Variants in THSD7A observed in about 807,000 individuals in gnomAD.
THSD7A encodes thrombospondin type-1 domain-containing protein 7A.
In THSD7A, 96 loss-of-function variants were observed where a neutral mutation model predicts 231.3. The observed-to-expected ratio is 0.41, with a 90% CI of 0.35 to 0.49. The LOEUF (loss-of-function observed/expected upper bound fraction) is 0.49. Ranked by LOEUF, THSD7A falls within the 20% of genes least tolerant of loss-of-function variation. THSD7A has a pLI of 0.05. For synonymous variants in THSD7A, 940 were observed against 743.3 expected, an observed-to-expected ratio of 1.26 and a Z score of -4.30; for missense variants, 2,290 against 2,070.2, an observed-to-expected ratio of 1.11 and a Z score of -2.06.
chr7:11,688,603 G>C (rs367640299), intron 1 of THSD7A, among the ~76,000 whole-genome samples: 99 of 151,898 alleles, frequency 6.5e-4, no homozygotes, highest in African/African-American at 1.9e-3. Flanking sequence ...GAAATGAACA[G>C]CCAGCAGCTT....
chr7:11,653,691 A>T (rs1314337674), intron 1 of THSD7A, among the ~76,000 whole-genome samples: 1 of 151,852 alleles, frequency 6.6e-6, no homozygotes, highest in African/African-American at 2.4e-5. Flanking sequence ...GCCAGCCAGC[A>T]ATCAGTTTTG....
chr7:11,715,898 C>T (rs1781119168), intron 1 of THSD7A, among the ~76,000 whole-genome samples: 1 of 151,502 alleles, frequency 6.6e-6, no homozygotes, highest in Admixed American at 6.6e-5. Context: ...TCTCTTTGTT[C>T]TGCAACCATA....
intron 1 of THSD7A, among the ~76,000 whole-genome samples, chr7:11,778,807 G>A (rs1314890860): frequency 6.6e-6 from 1 of 152,034 alleles, no homozygotes; most frequent in East Asian, 1.9e-4. Context: ...AATATATTCT[G>A]AGAAATATAC....
At chr7:11,585,424 G>A (rs112010305) in intron 4 of THSD7A, among the ~76,000 whole-genome samples, 3 of 152,134 alleles carry the variant, frequency 2.0e-5, no homozygotes, top group African/African-American at 4.8e-5. Context: ...CTCATTTAAC[G>A]TCACCAATAG....
chr7:11,771,400 C>T (rs1783223926), intron 1 of THSD7A, among the ~76,000 whole-genome samples: 1 of 151,832 alleles, frequency 6.6e-6, no homozygotes, highest in South Asian at 2.1e-4. Flanking sequence ...GACATGTGAA[C>T]ACTAGGTATA....
intron 11 of THSD7A, among the ~76,000 whole-genome samples, chr7:11,456,169 T>G (rs1274415074): frequency 6.6e-6 from 1 of 152,056 alleles, no homozygotes; most frequent in Admixed American, 6.6e-5. Flanking sequence ...ACATTCTCTC[T>G]TTTCTATGTG....
chr7:11,538,639 G>A (rs759192547), intron 6 of THSD7A, among the ~76,000 whole-genome samples: 11 of 152,136 alleles, frequency 7.2e-5, no homozygotes, highest in Non-Finnish European at 1.3e-4. Flanking sequence ...TTGTGTATCC[G>A]ATGATCATGA....
At position 11,769,140 on chromosome 7, in the gene THSD7A, T is replaced by TAC. The variant is rs1361314082; in HGVS notation, c.190+62616_190+62617insGT. 8.0e-5 allele frequency among the ~76,000 whole-genome samples: 5 copies of TAC among 62,396 alleles called. 2 individuals carry two copies. The highest frequency in any genetic ancestry group is 2.6e-4 in the African/African-American group (5 of 18,950). 40.9% of individuals were successfully genotyped at this position (62,396 alleles called of 152,430 possible). ...TCCTGGCAATATATATATATATATA[T>TAC]ATATATATATATATTTTTTTTTTTT... On this transcript the variant is annotated intron_variant, in intron 1 of 27. Transcript: ENST00000423059.
At position 11,523,033 on chromosome 7, in the gene THSD7A, C is replaced by T. The variant is rs567069491; in HGVS notation, c.1822+18386G>A. The stretch of plus-strand genomic sequence containing the variant: ...AACTATCTCAAGTATGTCCACACTA[C>T]AAAGTTACAGAAAATGGCGTTGTAT... On this transcript the variant is annotated intron_variant, in intron 6 of 27. Transcript: ENST00000423059. Among the ~76,000 whole-genome samples, 17 of 152,162 alleles carry T rather than the reference C, an allele frequency of 1.1e-4. No individual in the cohort carries two copies. In the South Asian group the frequency reaches 3.3e-3, roughly 30 times the overall value.
intron 1 of THSD7A, among the ~76,000 whole-genome samples, chr7:11,806,862 G>C (rs1784412594): frequency 6.6e-6 from 1 of 152,052 alleles, no homozygotes; most frequent in Admixed American, 6.6e-5. Context: ...GGCCTTCTAA[G>C]TTCCTCATCT....
intron 2 of THSD7A, among the ~76,000 whole-genome samples, chr7:11,617,177 C>T (rs1276187513): frequency 9.9e-5 from 15 of 152,048 alleles, no homozygotes; most frequent in Non-Finnish European, 1.9e-4. Context: ...ATTGTTTTAC[C>T]GGAACTATTA....
chr7:11,556,916 T>A (rs1789870672), intron 4 of THSD7A, among the ~76,000 whole-genome samples: 1 of 152,050 alleles, frequency 6.6e-6, no homozygotes, highest in South Asian at 2.1e-4. Flanking sequence ...AGATTTTTAT[T>A]ATAATATGTC....
At chr7:11,828,855 C>G (rs1182826358) in intron 1 of THSD7A, among the ~76,000 whole-genome samples, 1 of 152,012 alleles carries the variant, frequency 6.6e-6, no homozygotes. Context: ...TTGGGCAGTT[C>G]AACTTACATG....
intron 1 of THSD7A, among the ~76,000 whole-genome samples, chr7:11,738,387 C>T (rs148587695): frequency 1.8e-4 from 28 of 152,012 alleles, no homozygotes; most frequent in Admixed American, 6.6e-4. Flanking sequence ...TATTATTTTA[C>T]GATATATGTA....
At chr7:11,744,758 A>G (rs1782227858) in intron 1 of THSD7A, among the ~76,000 whole-genome samples, 1 of 151,986 alleles carries the variant, frequency 6.6e-6, no homozygotes, top group Non-Finnish European at 1.5e-5. Context: ...ATGTCCCTAC[A>G]AAGGACATGA....
At chr7:11,493,127 G>A (rs181210337) in intron 6 of THSD7A, among the ~76,000 whole-genome samples, 106 of 152,206 alleles carry the variant, frequency 7.0e-4, no homozygotes, top group African/African-American at 2.4e-3. Flanking sequence ...GTAATAAAAC[G>A]TATATAGCTG....
chr7:11,788,379 C>T (rs930222774), intron 1 of THSD7A, among the ~76,000 whole-genome samples: 4 of 152,006 alleles, frequency 2.6e-5, no homozygotes, highest in African/African-American at 9.7e-5. Context: ...TATAGTCTTG[C>T]CCAAATATAT....
At position 11,676,539 on chromosome 7, in the gene THSD7A, G is replaced by A. The variant is rs114661859; in HGVS notation, c.191-39578C>T. Among the ~76,000 whole-genome samples the A allele has an allele frequency of 7.5e-3, 1,135 of 152,232 alleles. 12 individuals carry two copies. The highest frequency in any genetic ancestry group is 0.025 in the African/African-American group (1,056 of 41,540). ...ACCTTGATAAAAGATGAGAGGAATC[G>A]CTAACTGGAATAACCAGTTTAGAGA... On this transcript the variant is annotated intron_variant, in intron 1 of 27. Coordinates refer to ENST00000423059, the MANE Select transcript of THSD7A (RefSeq NM_015204.3).
intron 1 of THSD7A, among the ~76,000 whole-genome samples, chr7:11,652,293 G>A (rs1782533635): frequency 6.6e-6 from 1 of 151,872 alleles, no homozygotes; most frequent in East Asian, 1.9e-4. Context: ...CACGGGAGCA[G>A]GACTGGCATT....
Sources: gnomAD v4.1 joint callset for allele counts (sites outside exome capture counted in the v4.1 genomes callset) on GRCh38, gnomAD v4.1.1 for gene constraint, MANE v1.5 for transcripts, NCBI Gene and HGNC (gene_info 2026-07-23, HGNC 2026-07-21) for gene names.